CCDC13: variants seen among roughly 807,000 people sequenced by gnomAD.
CCDC13 encodes coiled-coil domain containing 13.
In CCDC13, 70 loss-of-function variants were observed where a neutral mutation model predicts 87.3. The observed-to-expected ratio is 0.80, with a 90% confidence interval of 0.66 to 0.98. The LOEUF is 0.98. CCDC13 is among the 50% of genes least tolerant of loss of function. The pLI is 0.00. For synonymous variants in CCDC13, 317 were observed against 360.3 expected, an observed-to-expected ratio of 0.88 and a Z score of 1.36; for missense variants, 842 against 892.0, an observed-to-expected ratio of 0.94 and a Z score of 0.71.
At chr3:42,731,335 C>T (rs1435551720) in intron 12 of CCDC13, among the ~76,000 whole-genome samples, 1 of 151,936 alleles carries the variant, frequency 6.6e-6, no homozygotes, top group African/African-American at 2.4e-5. Context: ...GCTGACTTCT[C>T]GGTGGTCTTG....
intron 12 of CCDC13, 166 bp downstream of exon 12, chr3:42,732,721 A>G: frequency 3.2e-6 from 2 of 627,466 alleles, no homozygotes; most frequent in Non-Finnish European, 2.8e-6. Context: ...TTACTCTATC[A>G]TCTTGGACAG....
At chr3:42,751,338 C>T (rs1019528788) in intron 5 of CCDC13, among the ~76,000 whole-genome samples, 8 of 152,212 alleles carry the variant, frequency 5.3e-5, no homozygotes, top group Non-Finnish European at 1.2e-4. Flanking sequence ...TTTCATGGAG[C>T]TGCAATTCCC....
Position 42,751,988 on chromosome 3 carries a change from G to GC in CCDC13, c.550dup (p.Ala184GlyfsTer40), listed in dbSNP as rs1460459480. On this transcript the variant is annotated frameshift_variant, in exon 5 of 16. Transcript: ENST00000310232. LOFTEE classifies it high-confidence loss of function. Reference sequence around the variant, plus strand: ...CGGTGGCTTGGCTCCTGCGTCGGTGGCCCCCTTGGCTGACAGCCTGGTCAG... The same window carrying GC: ...CGGTGGCTTGGCTCCTGCGTCGGTGGCCCCCCTTGGCTGACAGCCTGGTCAG... The GC allele has an allele frequency of 6.2e-7, 1 of 1,609,582 alleles. No individual in the cohort carries two copies. Among genetic ancestry groups the GC allele is most frequent in the Non-Finnish European group, 8.5e-7 (1 of 1,179,992 alleles).
At chr3:42,759,717 T>C (rs865993613) in intron 1 of CCDC13, among the ~76,000 whole-genome samples, 6 of 152,262 alleles carry the variant, frequency 3.9e-5, no homozygotes, top group Admixed American at 6.5e-5. Context: ...ATCTGAGCTG[T>C]TTCCAGTTTT....
chr3:42,753,134 C>T (rs1460383783), intron 3 of CCDC13, among the ~76,000 whole-genome samples: 1 of 152,154 alleles, frequency 6.6e-6, no homozygotes, highest in Non-Finnish European at 1.5e-5. Context: ...TGGCCAATAG[C>T]ATGTTAACAG....
At chr3:42,728,821 C>T (rs1698752239) in intron 13 of CCDC13, among the ~76,000 whole-genome samples, 1 of 152,150 alleles carries the variant, frequency 6.6e-6, no homozygotes, top group Admixed American at 6.5e-5. Context: ...GCAGGAGGAA[C>T]CCAAGGACCC....
At chr3:42,753,752 C>G (rs1178457056) in intron 3 of CCDC13, among the ~76,000 whole-genome samples, 1 of 152,072 alleles carries the variant, frequency 6.6e-6, no homozygotes, top group African/African-American at 2.4e-5. Flanking sequence ...GTGCTCTCAC[C>G]TAGGAAGAAC....
chr3:42,755,849 T>G (rs1699692081), intron 3 of CCDC13, among the ~76,000 whole-genome samples: 1 of 152,220 alleles, frequency 6.6e-6, no homozygotes, highest in South Asian at 2.1e-4. Context: ...TTCCCAGGTC[T>G]GCTGGGTGGA....
At chr3:42,751,752 C>G (rs950363457) in intron 5 of CCDC13, among the ~76,000 whole-genome samples, 184 bp downstream of exon 5, 1 of 152,268 alleles carries the variant, frequency 6.6e-6, no homozygotes, top group Non-Finnish European at 1.5e-5. Context: ...GCCATACACT[C>G]GGTACTGTTC....
At chr3:42,745,875 G>T in intron 7 of CCDC13, 48 bp downstream of exon 7, 1 of 1,498,944 alleles carries the variant, frequency 6.7e-7, no homozygotes, top group Non-Finnish European at 9.3e-7. Context: ...TTTCTGGGGT[G>T]TTTTAAATCC....
intron 1 of CCDC13, among the ~76,000 whole-genome samples, chr3:42,769,958 G>A (rs1172320839): frequency 2.6e-5 from 4 of 152,354 alleles, no homozygotes; most frequent in East Asian, 3.9e-4. Context: ...CCCTGCCACC[G>A]TGGGCTCCTG....
intron 1 of CCDC13, among the ~76,000 whole-genome samples, chr3:42,771,524 G>A (rs972802766): frequency 6.6e-6 from 1 of 152,216 alleles, no homozygotes; most frequent in Non-Finnish European, 1.5e-5. Context: ...CGAAGCCAAG[G>A]TGGGAGGACC....
chr3:42,758,263 T>C lies in CCDC13; in HGVS notation c.83A>G (p.Lys28Arg). ...TTTTTCCCTCTTTTTCTCCATCTGC[T>C]TCTGTAACCGTTTGTGCTGCATCTC... ...MQEMQHKRLQ[K>R]QMEKKREKEL... is the part of the protein sequence containing the mutation. Residue 28 changes from lysine to arginine, a missense_variant, in exon 2 of 16, where the codon AAG (lysine) becomes AGG (arginine). By Grantham distance (26) the Lys-to-Arg change is conservative. Transcript: ENST00000310232. 3 of 1,613,850 alleles carry C rather than the reference T, an allele frequency of 1.9e-6. No individual in the cohort carries two copies. Among genetic ancestry groups the C allele is most frequent in the Non-Finnish European group, 2.5e-6 (3 of 1,180,038 alleles).
intron 1 of CCDC13, among the ~76,000 whole-genome samples, chr3:42,765,610 C>T (rs915665049): frequency 1.3e-5 from 2 of 152,118 alleles, no homozygotes; most frequent in Admixed American, 1.3e-4. Context: ...GTGAGCCTAA[C>T]GTTCAGCTGG....
chr3:42,752,782 C>T (rs1699619119), intron 3 of CCDC13, 65 bp from the exon 4 acceptor site: 1 of 1,574,978 alleles, frequency 6.3e-7, no homozygotes, highest in African/African-American at 1.3e-5. Flanking sequence ...TCATGCTCCA[C>T]CACTAACAGC....
intron 5 of CCDC13, among the ~76,000 whole-genome samples, chr3:42,748,405 C>T (rs1699478429): frequency 6.6e-6 from 1 of 152,222 alleles, no homozygotes; most frequent in African/African-American, 2.4e-5. Flanking sequence ...CGTTGGTTGT[C>T]AGGCTGAGCA....
At chr3:42,749,732 G>A (rs763696770) in intron 5 of CCDC13, 50 of 378,028 alleles carry the variant, frequency 1.3e-4, no homozygotes, top group Non-Finnish European at 2.1e-4. Context: ...GTATGGGTAC[G>A]CTCCCTCCCC....
At chr3:42,764,007 G>A (rs1038600954) in intron 1 of CCDC13, among the ~76,000 whole-genome samples, 3 of 152,168 alleles carry the variant, frequency 2.0e-5, no homozygotes, top group Admixed American at 6.5e-5. Context: ...GGTTGGGAGG[G>A]GGGAGCTTCC....
chr3:42,743,600 T>TATATATATATATATATATATATATATAG, intron 7 of CCDC13, among the ~76,000 whole-genome samples: 1 of 125,800 alleles, frequency 7.9e-6, no homozygotes, highest in African/African-American at 3.6e-5. Flanking sequence ...TATATATATA[T>TATATATATATATATATATATATATATAG]ACACACACAC....
Sources: gnomAD v4.1 joint callset for allele counts (sites outside exome capture counted in the v4.1 genomes callset) on GRCh38, gnomAD v4.1.1 for gene constraint, MANE v1.5 for transcripts, NCBI Gene and HGNC (gene_info 2026-07-23, HGNC 2026-07-21) for gene names.